Variants in PGCKA1 observed in about 807,000 individuals in gnomAD.
PGCKA1 encodes the protein PDCD10 and GCKIII kinases associated 1, also known as PDCD10 and GCKIII kinases-associated protein 1.
At chr4:37,460,005 A>T in the PGCKA1 span, among the ~76,000 whole-genome samples, 2 of 151,558 alleles carry the variant, frequency 1.3e-5, no homozygotes, top group African/African-American at 4.9e-5. Flanking sequence ...CCCTCCCTAC[A>T]GCCCCGGTGT....
chr4:37,561,779 A>C, the PGCKA1 span, among the ~76,000 whole-genome samples: 1 of 152,380 alleles, frequency 6.6e-6, no homozygotes, highest in South Asian at 2.1e-4. Flanking sequence ...GCCTCTGGTC[A>C]CAATATTTTC....
At chr4:37,535,498 G>A in the PGCKA1 span, among the ~76,000 whole-genome samples, 1 of 152,146 alleles carries the variant, frequency 6.6e-6, no homozygotes, top group Admixed American at 6.5e-5. Context: ...GCCAGGGAGG[G>A]AGGAGCAGGA....
the PGCKA1 span, among the ~76,000 whole-genome samples, chr4:37,568,698 C>T: frequency 2.0e-5 from 3 of 152,234 alleles, no homozygotes; most frequent in African/African-American, 4.8e-5. Context: ...TGGTGCCCCA[C>T]GTGCAGCACG....
chr4:37,490,664 G>A, the PGCKA1 span, among the ~76,000 whole-genome samples: 4 of 152,158 alleles, frequency 2.6e-5, no homozygotes, highest in African/African-American at 9.7e-5. Flanking sequence ...GAGGAAGATA[G>A]AAATGCAGCC....
At chr4:37,477,062 AC>A in the PGCKA1 span, among the ~76,000 whole-genome samples, 15 of 152,164 alleles carry the variant, frequency 9.9e-5, no homozygotes, top group Admixed American at 3.3e-4. Flanking sequence ...AAGGAAAAAA[AC>A]ATACGTTTAT....
chr4:37,489,318 A>G, the PGCKA1 span, among the ~76,000 whole-genome samples: 3 of 152,108 alleles, frequency 2.0e-5, no homozygotes, highest in Admixed American at 6.6e-5. Context: ...CTAAATTCTT[A>G]TGTATGCTAT....
At chr4:37,510,803 C>G in the PGCKA1 span, among the ~76,000 whole-genome samples, 1 of 152,032 alleles carries the variant, frequency 6.6e-6, no homozygotes, top group Non-Finnish European at 1.5e-5. Context: ...GGCAAGTTCC[C>G]CTAGGCACAA....
At chr4:37,591,511 A>G in the PGCKA1 span, 2 of 152,784 alleles carry the variant, frequency 1.3e-5, no homozygotes, top group African/African-American at 4.8e-5. Context: ...TTCAGGGACA[A>G]TCACCCAGGG....
At chr4:37,460,455 C>T in the PGCKA1 span, 1 of 367,386 alleles carries the variant, frequency 2.7e-6, no homozygotes, top group South Asian at 2.1e-5. Flanking sequence ...TTCCCACCAC[C>T]AGTGTTAAAG....
the PGCKA1 span, among the ~76,000 whole-genome samples, chr4:37,482,179 T>TA: frequency 6.6e-6 from 1 of 152,146 alleles, no homozygotes; most frequent in Non-Finnish European, 1.5e-5. Context: ...GTAAAGATAC[T>TA]AAAAAATGTG....
At chr4:37,556,860 TA>T in the PGCKA1 span, among the ~76,000 whole-genome samples, 2 of 152,186 alleles carry the variant, frequency 1.3e-5, no homozygotes, top group African/African-American at 4.8e-5. Context: ...AATACTATGA[TA>T]AAAAATAAGA....
At chr4:37,468,425 C>G in the PGCKA1 span, among the ~76,000 whole-genome samples, 1 of 152,154 alleles carries the variant, frequency 6.6e-6, no homozygotes, top group Non-Finnish European at 1.5e-5. Context: ...TGTAGCTCCC[C>G]AGGGGCAATT....
At chr4:37,566,100 T>C in the PGCKA1 span, among the ~76,000 whole-genome samples, 1 of 152,132 alleles carries the variant, frequency 6.6e-6, no homozygotes, top group Non-Finnish European at 1.5e-5. Context: ...TAACACTTAA[T>C]ATTACCTCCC....
the PGCKA1 span, among the ~76,000 whole-genome samples, chr4:37,487,922 T>C: frequency 5.3e-5 from 8 of 152,330 alleles, no homozygotes; most frequent in South Asian, 1.7e-3. Flanking sequence ...AGTATTTCAT[T>C]GTATGACTAC....
At chr4:37,489,612 C>T in the PGCKA1 span, among the ~76,000 whole-genome samples, 1 of 152,044 alleles carries the variant, frequency 6.6e-6, no homozygotes, top group Non-Finnish European at 1.5e-5. Context: ...TTGTGGGTGA[C>T]TCTGAGGTAT....
chr4:37,579,480 G>GT, the PGCKA1 span, among the ~76,000 whole-genome samples: 2 of 152,172 alleles, frequency 1.3e-5, no homozygotes, highest in African/African-American at 4.8e-5. Context: ...CTCAGCTTCT[G>GT]TTTGTCTAGG....
chr4:37,457,112 A>G, the PGCKA1 span, among the ~76,000 whole-genome samples: 1 of 152,234 alleles, frequency 6.6e-6, no homozygotes, highest in Non-Finnish European at 1.5e-5. Flanking sequence ...AGCCAATTAT[A>G]TTTCACATTT....
the PGCKA1 span, among the ~76,000 whole-genome samples, chr4:37,557,371 G>C: frequency 6.6e-6 from 1 of 152,122 alleles, no homozygotes; most frequent in Non-Finnish European, 1.5e-5. Flanking sequence ...GAATGTCTTA[G>C]TCCATTCAGA....
the PGCKA1 span, among the ~76,000 whole-genome samples, chr4:37,567,819 G>C: frequency 1.3e-5 from 2 of 152,008 alleles, no homozygotes; most frequent in Non-Finnish European, 2.9e-5. Flanking sequence ...GTGAGCATTC[G>C]TCACACACCT....
Sources: gnomAD v4.1 joint callset for allele counts (sites outside exome capture counted in the v4.1 genomes callset) on GRCh38, gnomAD v4.1.1 for gene constraint, MANE v1.5 for transcripts, NCBI Gene and HGNC (gene_info 2026-07-23, HGNC 2026-07-21) for gene names.